FRG1: variants seen among roughly 807,000 people sequenced by gnomAD.
The protein encoded by FRG1 is FSHD region gene 1.
FRG1 carries 19 observed loss-of-function variants against 37.0 expected under a neutral mutation model. The ratio of observed to expected loss-of-function variants is 0.51; its 90% CI spans 0.36 to 0.75. FRG1 has a LOEUF of 0.75. FRG1 is among the 30% of genes least tolerant of loss of function. The pLI, the probability that FRG1 is intolerant of heterozygous loss-of-function variation, is 0.00. For missense variants in FRG1, 243 were observed against 301.4 expected (o/e 0.81, Z 1.44); for synonymous variants, 73 against 96.5 (o/e 0.76, Z 1.43).
chr4:189,963,190 A>C lies in FRG1; in HGVS notation c.*61A>C. 7.2e-7 allele frequency: 1 copy of C among 1,393,110 alleles called. No homozygotes were observed. Among genetic ancestry groups the C allele is most frequent in the Non-Finnish European group, 1.0e-6 (1 of 984,600 alleles). 86.3% of individuals were successfully genotyped at this position (1,393,110 alleles called of 1,614,324 possible). A position where few individuals can be genotyped will look rare whatever the true frequency, so the allele number is the denominator to read the frequency against. On this transcript the variant is annotated 3_prime_UTR_variant, in exon 9 of 9. Transcript: ENST00000226798. ...TTTTTCTGAATAAAATATTCAGAGG[A>C]AATGCTTTTACAGAGTTCTTGAGTT...
At chr4:189,955,687 TAGAC>T (rs200244074) in intron 5 of FRG1, among the ~76,000 whole-genome samples, 1,703 of 152,310 alleles carry the variant, frequency 0.011, 17 homozygotes, top group Middle Eastern at 0.017. Flanking sequence ...TTTTAGTAAG[TAGAC>T]AGTTGTATAT....
intron 6 of FRG1, among the ~76,000 whole-genome samples, chr4:189,958,595 C>T (rs372444025): frequency 4.5e-4 from 69 of 152,336 alleles, no homozygotes; most frequent in Admixed American, 1.4e-3. Flanking sequence ...TTCCCTCATC[C>T]GTAGTCAGAC....
At position 189,957,444 on chromosome 4, in the gene FRG1, A is replaced by T. The variant is rs771525586; in HGVS notation, c.479A>T (p.Asn160Ile). 6.2e-7 allele frequency: 1 copy of T among 1,612,844 alleles called. No individual in the cohort carries two copies. The highest frequency in any genetic ancestry group is 2.2e-5 in the East Asian group (1 of 44,740). ...LASNSCFIRC[N>I]EAGDIEAKSK... ...TCAAATAGCTGCTTTATTAGATGCA[A>T]TGAAGCAGGGGACATAGAAGCAAAA... is the stretch of plus-strand genomic sequence containing the variant. Residue 160 changes from asparagine (N) to isoleucine (I), a missense_variant, in exon 6 of 9, where the codon AAT (asparagine) becomes ATT (isoleucine). Physicochemically the swap from Asn to Ile is moderately radical, Grantham distance 149 (BLOSUM62 -3). This residue lies in a region of FRG1 where 133 missense variants were observed against 199.3 expected (regional missense o/e 0.67). Transcript: ENST00000226798.
At chr4:189,960,943 C>T in intron 7 of FRG1, 104 bp downstream of exon 7, 1 of 1,344,172 alleles carries the variant, frequency 7.4e-7, no homozygotes, top group Non-Finnish European at 1.0e-6. Context: ...TGGTACATGC[C>T]TATAGGCCCA....
At chr4:189,954,857 G>T (rs1402981149) in intron 4 of FRG1, among the ~76,000 whole-genome samples, 180 bp from the exon 5 acceptor site, 2 of 152,076 alleles carry the variant, frequency 1.3e-5, no homozygotes, top group Non-Finnish European at 2.9e-5. Context: ...GCTTCCCAAA[G>T]CACAGAGATT....
At chr4:189,954,159 GT>G (rs143218440) in intron 4 of FRG1, among the ~76,000 whole-genome samples, 1 of 151,562 alleles carries the variant, frequency 6.6e-6, no homozygotes, top group Non-Finnish European at 1.5e-5. Flanking sequence ...ATAGGATACT[GT>G]TTTTTCCATA....
At chr4:189,950,056 T>C (rs1471659828) in intron 2 of FRG1, among the ~76,000 whole-genome samples, 1 of 152,148 alleles carries the variant, frequency 6.6e-6, no homozygotes, top group Non-Finnish European at 1.5e-5. Context: ...GTTTGTTTGT[T>C]TGTTTTGATA....
At chr4:189,950,942 T>C (rs1442681520) in intron 2 of FRG1, among the ~76,000 whole-genome samples, 1 of 152,208 alleles carries the variant, frequency 6.6e-6, no homozygotes, top group Non-Finnish European at 1.5e-5. Flanking sequence ...TATTATACTA[T>C]GTCATTATCA....
At chr4:189,943,636 C>A (rs1295028976) in intron 2 of FRG1, among the ~76,000 whole-genome samples, 2 of 152,104 alleles carry the variant, frequency 1.3e-5, no homozygotes, top group African/African-American at 4.8e-5. Flanking sequence ...TCGGTTGTCT[C>A]TTAAAGGAAG....
At chr4:189,960,124 C>G (rs1372404021) in intron 6 of FRG1, among the ~76,000 whole-genome samples, 1 of 152,240 alleles carries the variant, frequency 6.6e-6, no homozygotes, top group African/African-American at 2.4e-5. Flanking sequence ...GAACTGGACT[C>G]TGGCCACAGA....
chr4:189,946,245 C>A lies in FRG1; in HGVS notation c.133+2973C>A, dbSNP rs1329055751. ...TATTCAATCTTTTAGCTTCCCTGGG[C>A]CACAATGAAAGGAGAGGAATTGTCT... On this transcript the variant is annotated intron_variant, in intron 2 of 8. Transcript: ENST00000226798. Among the ~76,000 whole-genome samples the A allele has an allele frequency of 2.0e-5, 3 of 150,074 alleles. No homozygotes were observed. In the Admixed American group the frequency reaches 2.0e-4, roughly 10 times the overall value.
At chr4:189,959,984 C>T in intron 6 of FRG1, 4 of 723,110 alleles carry the variant, frequency 5.5e-6, no homozygotes, top group Non-Finnish European at 6.8e-6. Context: ...ATCCCTCTTA[C>T]TAAAGGTAGC....
chr4:189,958,134 TTCTCTCTC>T (rs1162260640), intron 6 of FRG1, among the ~76,000 whole-genome samples: 2 of 151,622 alleles, frequency 1.3e-5, no homozygotes, highest in Admixed American at 1.3e-4. Context: ...TTTCCTCTCT[TTCTCTCTC>T]TCTCAACAGC....
intron 2 of FRG1, among the ~76,000 whole-genome samples, chr4:189,951,120 TA>T (rs1315386910): frequency 2.6e-5 from 4 of 152,298 alleles, no homozygotes; most frequent in African/African-American, 9.6e-5. Flanking sequence ...TAGAGTCTAA[TA>T]TTTCTATTGG....
chr4:189,954,280 G>A (rs1736885071), intron 4 of FRG1, among the ~76,000 whole-genome samples: 2 of 151,950 alleles, frequency 1.3e-5, no homozygotes, highest in Non-Finnish European at 2.9e-5. Flanking sequence ...AGCATTTTCT[G>A]GAAAACAGTT....
chr4:189,957,387 G>A lies in FRG1; in HGVS notation c.433-11G>A. 1 of 1,575,736 alleles carries A rather than the reference G, an allele frequency of 6.3e-7. No homozygotes were observed. The highest frequency in any genetic ancestry group is 8.6e-7 in the Non-Finnish European group (1 of 1,157,812). ...TATCCTCATGGCTATTTTGTTATTT[G>A]TTTCACTTAGGGGAAAATGGCTTTG... On this transcript the variant is annotated splice_polypyrimidine_tract_variant and intron_variant, in intron 5 of 8. Coordinates refer to ENST00000226798, the MANE Select transcript of FRG1 (RefSeq NM_004477.3).
intron 4 of FRG1, 121 bp from the exon 5 acceptor site, chr4:189,954,916 A>T (rs1377665053): frequency 1.6e-6 from 1 of 615,924 alleles, no homozygotes; most frequent in East Asian, 2.8e-5. Flanking sequence ...AAGACTTGGA[A>T]TATGTGCAGT....
intron 6 of FRG1, among the ~76,000 whole-genome samples, chr4:189,959,532 T>C (rs1431922111): frequency 3.9e-5 from 6 of 152,226 alleles, no homozygotes; most frequent in Non-Finnish European, 7.3e-5. Context: ...AAACAGGTCA[T>C]TGGGGAAATG....
chr4:189,956,762 G>A (rs926545415), intron 5 of FRG1, among the ~76,000 whole-genome samples: 2 of 152,148 alleles, frequency 1.3e-5, no homozygotes, highest in African/African-American at 4.8e-5. Flanking sequence ...CCAAATACAA[G>A]TTATAAATAA....
Sources: gnomAD v4.1 joint callset for allele counts (sites outside exome capture counted in the v4.1 genomes callset) on GRCh38, gnomAD v4.1.1 for gene constraint, gnomAD v4.1.1 regional missense constraint, MANE v1.5 for transcripts, NCBI Gene and HGNC (gene_info 2026-07-23, HGNC 2026-07-21) for gene names.